The following TSNARE1 variants were observed in gnomAD, a reference collection of about 807,000 sequenced individuals.
The protein encoded by TSNARE1 is t-SNARE domain-containing protein 1.
TSNARE1 carries 49 observed loss-of-function variants against 62.0 expected under a neutral mutation model. The ratio of observed to expected loss-of-function variants is 0.79; its 90% CI spans 0.63 to 1.00. The LOEUF (loss-of-function observed/expected upper bound fraction) is 1.00. Ranked by LOEUF, TSNARE1 falls within the 50% of genes least tolerant of loss-of-function variation. TSNARE1 has a pLI of 0.00. For missense variants in TSNARE1, 755 were observed against 700.1 expected, an observed-to-expected ratio of 1.08 and a Z score of -0.88; for synonymous variants, 328 against 294.4, an observed-to-expected ratio of 1.11 and a Z score of -1.17.
At chr8:142,380,787 G>A (rs998309215) in intron 1 of TSNARE1, among the ~76,000 whole-genome samples, 3 of 152,176 alleles carry the variant, frequency 2.0e-5, no homozygotes, top group Admixed American at 1.3e-4. Flanking sequence ...GGCCCACGGC[G>A]GATGCCACCG....
chr8:142,374,817 G>A (rs796949713), intron 1 of TSNARE1, among the ~76,000 whole-genome samples: 13 of 152,260 alleles, frequency 8.5e-5, no homozygotes, highest in East Asian at 7.7e-4. Context: ...GGGCTGGGGC[G>A]GAGGAAGGAG....
At chr8:142,267,307 C>A (rs1213875413) in intron 12 of TSNARE1, among the ~76,000 whole-genome samples, 1 of 152,170 alleles carries the variant, frequency 6.6e-6, no homozygotes, top group Non-Finnish European at 1.5e-5. Context: ...TTCTTGGATC[C>A]AGGATCCACA....
At chr8:142,266,998 A>C (rs9644550) in intron 12 of TSNARE1, among the ~76,000 whole-genome samples, 84,255 of 152,156 alleles carry the variant, frequency 0.55, 25,408 homozygotes, top group African/African-American at 0.8. Flanking sequence ...CCATACTGAT[A>C]TTTCACAGAT....
intron 4 of TSNARE1, 74 bp from the exon 5 acceptor site, chr8:142,331,905 C>T: frequency 7.0e-7 from 1 of 1,433,898 alleles, no homozygotes; most frequent in African/African-American, 1.4e-5. Context: ...GCTAACCGCT[C>T]TGGGCAGCCC....
chr8:142,399,105 C>T (rs992210741), intron 1 of TSNARE1, among the ~76,000 whole-genome samples: 3 of 152,234 alleles, frequency 2.0e-5, no homozygotes, highest in Admixed American at 2.0e-4. Context: ...GAGGACACCC[C>T]GCCCATAAGG....
At chr8:142,364,331 G>A (rs921924722) in intron 1 of TSNARE1, among the ~76,000 whole-genome samples, 1 of 152,244 alleles carries the variant, frequency 6.6e-6, no homozygotes, top group Non-Finnish European at 1.5e-5. Context: ...AGAACTTGGA[G>A]GAGTCAGCGT....
chr8:142,348,276 G>A lies in TSNARE1; in HGVS notation c.89-2384C>T, dbSNP rs374714594. 2.4e-4 allele frequency among the ~76,000 whole-genome samples: 36 copies of A among 152,238 alleles called. 2 individuals carry two copies. The highest frequency in any genetic ancestry group is 1.8e-3 in the Admixed American group (27 of 15,304). ...CGCGGGTCACTAGAGAGCCTTCGAC[G>A]ATGTGATTTTAATGCCTGCGTCAAA... On this transcript the variant is annotated intron_variant, in intron 2 of 13. Coordinates refer to ENST00000524325, the MANE Select transcript of TSNARE1 (RefSeq NM_145003.5).
At chr8:142,218,314 C>G (rs374308042) in intron 13 of TSNARE1, among the ~76,000 whole-genome samples, 1 of 70,552 alleles carries the variant, frequency 1.4e-5, no homozygotes, top group Admixed American at 1.3e-4. Flanking sequence ...CAGGGCTCAG[C>G]GTGTGACCAG....
At chr8:142,398,366 G>A (rs1223596381) in intron 1 of TSNARE1, among the ~76,000 whole-genome samples, 1 of 37,208 alleles carries the variant, frequency 2.7e-5, no homozygotes, top group African/African-American at 1.2e-4. Flanking sequence ...ACATGCCCCC[G>A]GCCCTACCCA....
intron 1 of TSNARE1, among the ~76,000 whole-genome samples, chr8:142,366,197 C>T (rs567198164): frequency 5.9e-5 from 9 of 152,102 alleles, no homozygotes; most frequent in South Asian, 2.1e-4. Context: ...CCACCACGCC[C>T]GGCTAATTTT....
At chr8:142,318,720 C>T (rs572954039) in intron 6 of TSNARE1, 86 bp from the exon 7 acceptor site, 13 of 1,299,404 alleles carry the variant, frequency 1.0e-5, no homozygotes, top group South Asian at 6.0e-5. Context: ...CAAGCAGGGA[C>T]GCACGGGCCG....
Position 142,344,471 on chromosome 8 carries a change from C to T in TSNARE1, c.240G>A (p.Gly80=). The change falls in exon 4 of 14, where the codon GGG becomes GGA. Residue 80 remains glycine, a splice_region_variant and synonymous_variant. Coordinates refer to ENST00000524325, the MANE Select transcript of TSNARE1 (RefSeq NM_145003.5). ...TPIVPRARKR[G]PGVAPEGSRM... ...GGCTGCCTTCAGGGGCAACCCCAGG[C>T]CCTGGAAAGGCACCAAAAGGCGGAT... 1 of 1,536,588 alleles carries T rather than the reference C, an allele frequency of 6.5e-7. No homozygotes were observed. Among genetic ancestry groups the T allele is most frequent in the South Asian group, 1.3e-5 (1 of 79,904 alleles).
At chr8:142,277,667 G>A (rs1274209152) in intron 11 of TSNARE1, 1 of 985,290 alleles carries the variant, frequency 1.0e-6, no homozygotes, top group African/African-American at 1.7e-5. Flanking sequence ...TCAGCAGCAG[G>A]GCAGGCCACT....
At chr8:142,285,321 T>C (rs1219480653) in intron 10 of TSNARE1, among the ~76,000 whole-genome samples, 1 of 141,472 alleles carries the variant, frequency 7.1e-6, no homozygotes, top group South Asian at 2.3e-4. Context: ...GATGGGTAGG[T>C]GGATAGGTGG....
chr8:142,269,492 T>A (rs1819333528), intron 12 of TSNARE1: 3 of 985,436 alleles, frequency 3.0e-6, no homozygotes, highest in Non-Finnish European at 2.4e-6. Context: ...TATCTTTATT[T>A]ATTAAGCTTT....
At chr8:142,284,969 G>C (rs960722683) in intron 10 of TSNARE1, among the ~76,000 whole-genome samples, 1 of 152,218 alleles carries the variant, frequency 6.6e-6, no homozygotes, top group Non-Finnish European at 1.5e-5. Flanking sequence ...TTCCCTCTCT[G>C]TGTAACAGCA....
At chr8:142,342,427 T>C (rs899044255) in intron 4 of TSNARE1, among the ~76,000 whole-genome samples, 3 of 152,254 alleles carry the variant, frequency 2.0e-5, no homozygotes, top group Admixed American at 6.5e-5. Context: ...GGCTCAGGTA[T>C]GGGGGCAGAT....
intron 12 of TSNARE1, among the ~76,000 whole-genome samples, chr8:142,248,481 G>A (rs1298181855): frequency 1.3e-5 from 2 of 152,086 alleles, no homozygotes; most frequent in Non-Finnish European, 2.9e-5. Context: ...GATTGCTCTT[G>A]CCTCACTGAT....
At chr8:142,322,682 C>T (rs1261718933) in intron 6 of TSNARE1, among the ~76,000 whole-genome samples, 12 of 151,656 alleles carry the variant, frequency 7.9e-5, no homozygotes, top group South Asian at 2.1e-4. Context: ...GTGGGCTGGA[C>T]GATGACATTG....
Sources: allele counts gnomAD v4.1 joint callset (sites outside exome capture counted in the v4.1 genomes callset), GRCh38; gene constraint gnomAD v4.1.1; transcripts MANE v1.5; gene names NCBI Gene and HGNC (gene_info 2026-07-23, HGNC 2026-07-21).